CRTC1: variants seen among roughly 807,000 people sequenced by gnomAD.
CRTC1 encodes CREB-regulated transcription coactivator 1.
Under a neutral mutation model 66.1 loss-of-function variants are expected in CRTC1, and 18 were observed. The observed-to-expected ratio is 0.27, with a 90% CI of 0.19 to 0.40. The LOEUF is 0.40. Ranked by LOEUF, CRTC1 falls within the 10% of genes least tolerant of loss-of-function variation. The probability of loss-of-function intolerance (pLI) is 1.00; values close to 1 mark genes in which losing one functional copy is unlikely to be tolerated. For synonymous variants in CRTC1, 416 were observed against 398.8 expected (o/e 1.04, Z -0.51); for missense variants, 669 against 887.9 (o/e 0.75, Z 3.13).
At chr19:18,743,899 C>G (rs1201787770) in intron 2 of CRTC1, among the ~76,000 whole-genome samples, 1 of 152,208 alleles carries the variant, frequency 6.6e-6, no homozygotes, top group Non-Finnish European at 1.5e-5. Context: ...CCTTCTCTCC[C>G]TTTCCTGTTT....
chr19:18,746,093 T>G, intron 3 of CRTC1, 133 bp downstream of exon 3: 1 of 1,268,792 alleles, frequency 7.9e-7, no homozygotes, highest in Non-Finnish European at 1.1e-6. Context: ...CAGCACCATC[T>G]GGGAGGCTTG....
intron 2 of CRTC1, among the ~76,000 whole-genome samples, chr19:18,743,851 G>C (rs2054168550): frequency 1.3e-5 from 2 of 152,252 alleles, no homozygotes; most frequent in East Asian, 1.9e-4. Flanking sequence ...CGTGTTCTTT[G>C]TCACAGCCCT....
rs2055006339 is a variant in CRTC1, at chr19:18,777,105, G to GAC, written c.1694-62_1694-61dup. 1.4e-5 allele frequency: 13 copies of GAC among 921,608 alleles called. No homozygotes were observed. Among genetic ancestry groups the GAC allele is most frequent in the Middle Eastern group, 2.4e-4 (1 of 4,222 alleles). 57.1% of individuals were successfully genotyped at this position (921,608 alleles called of 1,614,324 possible). On this transcript the variant is annotated intron_variant, in intron 13 of 13. Coordinates refer to ENST00000321949, the MANE Select transcript of CRTC1 (RefSeq NM_015321.3). This position sits in a 1 kb window ranked among gnomAD's most constrained non-coding sequence, Gnocchi z 5.5. ...GTCGCCCGGCGGGCATGCCTGGTCC[G>GAC]ACACATGGATGCGAGCGATGGAGCC...
intron 8 of CRTC1, among the ~76,000 whole-genome samples, chr19:18,762,251 T>C (rs2054630760): frequency 6.6e-6 from 1 of 152,186 alleles, no homozygotes; most frequent in Non-Finnish European, 1.5e-5. Context: ...GCACCCAGTC[T>C]AAACAAGCAC....
At chr19:18,711,637 C>T (rs966116183) in intron 1 of CRTC1, among the ~76,000 whole-genome samples, 1 of 152,344 alleles carries the variant, frequency 6.6e-6, no homozygotes, top group East Asian at 1.9e-4. Flanking sequence ...GCCTGAGGGC[C>T]TCTGGGCTGT....
chr19:18,707,577 T>A (rs1454477748), intron 1 of CRTC1, among the ~76,000 whole-genome samples: 1 of 152,218 alleles, frequency 6.6e-6, no homozygotes, highest in Non-Finnish European at 1.5e-5. Flanking sequence ...TCTTGTCTAT[T>A]TCAGATTCCT....
In CRTC1 at chr19:18,768,478, C is replaced by T. The variant is rs1349208875; in HGVS notation, c.1012-7C>T. 6.2e-7 allele frequency: 1 copy of T among 1,608,034 alleles called. No homozygotes were observed. The highest frequency in any genetic ancestry group is 1.7e-5 in the Admixed American group (1 of 59,870). On this transcript the variant is annotated splice_polypyrimidine_tract_variant and splice_region_variant and intron_variant, in intron 9 of 13. Transcript: ENST00000321949. The surrounding 1 kb of genome is among the most constrained non-coding windows in gnomAD (Gnocchi z 5.6). ...CCCGCCCTGCCTGACGCTCTCCTCTCCTGCAGGCTGTAGCCATGGACGCCC... is the reference window on the plus strand; with the variant it reads ...CCCGCCCTGCCTGACGCTCTCCTCTTCTGCAGGCTGTAGCCATGGACGCCC...
intron 6 of CRTC1, among the ~76,000 whole-genome samples, chr19:18,754,157 G>A (rs1600949916): frequency 6.6e-6 from 1 of 152,148 alleles, no homozygotes; most frequent in East Asian, 1.9e-4. Flanking sequence ...CACTGAAAGG[G>A]ACAGCAATGC....
chr19:18,758,620 G>T (rs2054546080), intron 6 of CRTC1, among the ~76,000 whole-genome samples: 1 of 152,208 alleles, frequency 6.6e-6, no homozygotes, highest in African/African-American at 2.4e-5. Context: ...GGGACTCTCA[G>T]GAAGTAGCAG....
chr19:18,713,599 T>C (rs1213134340), intron 1 of CRTC1, among the ~76,000 whole-genome samples: 1 of 53,202 alleles, frequency 1.9e-5, no homozygotes, highest in Non-Finnish European at 3.4e-5. Flanking sequence ...TTACTGGGCC[T>C]GTTGTTGGGG....
intron 1 of CRTC1, among the ~76,000 whole-genome samples, chr19:18,719,761 G>A (rs538350814): frequency 1.3e-5 from 2 of 152,244 alleles, no homozygotes; most frequent in Non-Finnish European, 2.9e-5. Context: ...AGAGGCCTGC[G>A]GGCGGCTGAC....
Position 18,689,965 on chromosome 19 carries a change from C to T in CRTC1, c.126+6137C>T, listed in dbSNP as rs113560781. Among the ~76,000 whole-genome samples, 8 of 151,630 alleles carry T rather than the reference C, an allele frequency of 5.3e-5. No homozygotes were observed. In the South Asian group the frequency reaches 8.4e-4, roughly 16 times the overall value. On this transcript the variant is annotated intron_variant, in intron 1 of 13. Transcript: ENST00000321949. ...GTGGGATGGGTGTGGTGTGAGCATC[C>T]GCTGCAGGTGTCCAGATCAGGGGGA... is the stretch of plus-strand genomic sequence containing the variant.
At chr19:18,709,646 T>C (rs1568489139) in intron 1 of CRTC1, among the ~76,000 whole-genome samples, 2 of 152,138 alleles carry the variant, frequency 1.3e-5, no homozygotes, top group East Asian at 3.9e-4. Context: ...TGAGGTCCTC[T>C]GGGAAGCCGG....
rs2053234860 is a variant in CRTC1 at position 18,705,143 on chromosome 19, G to A, written c.126+21315G>A. ...TCCCCTCTAAGGCTGTTATTCCACTGTATGGATGGGACACATTTTGTTTAT... is the reference window on the plus strand; with the variant it reads ...TCCCCTCTAAGGCTGTTATTCCACTATATGGATGGGACACATTTTGTTTAT... On this transcript the variant is annotated intron_variant, in intron 1 of 13. Transcript: ENST00000321949. Among the ~76,000 whole-genome samples, 2 of 152,102 alleles carry A rather than the reference G, an allele frequency of 1.3e-5. 1 individual carries two copies. Among genetic ancestry groups the A allele is most frequent in the South Asian group, 4.1e-4 (2 of 4,826 alleles).
chr19:18,744,182 C>T (rs759205595), intron 2 of CRTC1: 14 of 1,604,518 alleles, frequency 8.7e-6, no homozygotes, highest in South Asian at 5.6e-5. Flanking sequence ...GCTGAGGCCG[C>T]GGCGTCCCCG....
At chr19:18,702,500 T>C (rs2053167318) in intron 1 of CRTC1, among the ~76,000 whole-genome samples, 1 of 151,384 alleles carries the variant, frequency 6.6e-6, no homozygotes, top group Admixed American at 6.6e-5. Context: ...AAGTGCTGGC[T>C]TGAGCCCCAT....
intron 1 of CRTC1, among the ~76,000 whole-genome samples, chr19:18,717,710 C>T (rs934639935): frequency 2.0e-5 from 3 of 151,882 alleles, no homozygotes; most frequent in Admixed American, 1.3e-4. Context: ...TGCAGGGTTC[C>T]GGGGTGGGCC....
Position 18,743,035 on chromosome 19 carries a change from C to T in CRTC1, c.243+9C>T. The T allele has an allele frequency of 6.3e-7, 1 of 1,596,500 alleles. No homozygotes were observed. Among genetic ancestry groups the T allele is most frequent in the Non-Finnish European group, 8.6e-7 (1 of 1,164,964 alleles). On this transcript the variant is annotated intron_variant, in intron 2 of 13. Coordinates refer to ENST00000321949, the MANE Select transcript of CRTC1 (RefSeq NM_015321.3). ...TGGACCTGCCCTTCCAGGTGAGTGC[C>T]CCGCCCCCTGGCCCTGCCCCATTGT...
rs760998829 is a variant in CRTC1 at position 18,742,936 on chromosome 19, G to A, written c.153G>A (p.Leu51=). Residue 51 remains leucine, a synonymous_variant, in exon 2 of 14, where the codon CTG becomes CTA. Transcript: ENST00000321949. ...TCCAGCTCCAGAAATCCCAGTACCT[G>A]CAACTGGGCCCCAGCCGAGGCCAGT... ...ARLQLQKSQY[L]QLGPSRGQYY... The A allele has an allele frequency of 1.2e-5, 20 of 1,613,712 alleles. No individual in the cohort carries two copies. The highest frequency in any genetic ancestry group is 1.4e-5 in the Non-Finnish European group (17 of 1,179,998).
Sources: gnomAD v4.1 joint callset for allele counts (sites outside exome capture counted in the v4.1 genomes callset) on GRCh38, gnomAD v4.1.1 for gene constraint, Gnocchi (gnomAD v3.1) non-coding constraint, MANE v1.5 for transcripts, NCBI Gene and HGNC (gene_info 2026-07-23, HGNC 2026-07-21) for gene names.